Variants in ZNF716 observed in about 807,000 individuals in gnomAD.
ZNF716 encodes zinc finger protein 716.
ZNF716 carries 9 observed loss-of-function variants against 13.4 expected under a neutral mutation model. That is an observed-to-expected ratio of 0.67 (90% CI 0.41 to 1.18). The LOEUF is 1.18. Among genes scored for constraint, ZNF716 ranks in the 50% most tolerant of loss-of-function variants. The probability of loss-of-function intolerance (pLI) is 0.01; values close to 1 mark genes in which losing one functional copy is unlikely to be tolerated. For missense variants in ZNF716, 581 were observed against 576.6 expected (o/e 1.01, Z -0.08); for synonymous variants, 186 against 195.2 (o/e 0.95, Z 0.39).
At chr7:57,452,195 T>C (rs10282544) in intron 1 of ZNF716, among the ~76,000 whole-genome samples, 5,464 of 152,260 alleles carry the variant, frequency 0.036, 316 homozygotes, top group East Asian at 0.24. Context: ...TTCTAACTCA[T>C]ATTATTATCT....
intron 3 of ZNF716, among the ~76,000 whole-genome samples, chr7:57,465,118 T>C (rs1468386993): frequency 6.6e-6 from 1 of 152,206 alleles, no homozygotes; most frequent in Non-Finnish European, 1.5e-5. Flanking sequence ...TTGATACAGA[T>C]TATATTAAAT....
Position 57,450,241 on chromosome 7 carries a change from G to A in ZNF716, c.-48G>A, listed in dbSNP as rs115049994. ...TCACTGCTCTGCGTCCTCTGCTCCT[G>A]GAGGCCAAGCCTCTGTGGCCTTGTG... On this transcript the variant is annotated 5_prime_UTR_variant, in exon 1 of 4. Coordinates refer to ENST00000420713, the MANE Select transcript of ZNF716 (RefSeq NM_001159279.1). The A allele has an allele frequency of 3.0e-3, 4,816 of 1,612,898 alleles. 116 individuals are homozygous for A. The African/African-American group carries it at 0.047, about 16-fold the overall frequency.
rs782099108 is a variant in ZNF716 at position 57,462,609 on chromosome 7, A to G, written c.166+23A>G. The G allele has an allele frequency of 2.5e-5, 39 of 1,577,812 alleles. No homozygotes were observed. The East Asian group carries it at 8.3e-4, about 33-fold the overall frequency. ...TGGGTGAGGAAAACTTCAATACACA[A>G]TTCCTAATATATTGCCTTTCTCTCT... On this transcript the variant is annotated intron_variant, in intron 2 of 3. Transcript: ENST00000420713.
At position 57,460,994 on chromosome 7, in the gene ZNF716, G is replaced by T. The variant is rs569520169; in HGVS notation, c.40-1466G>T. ...TTTTTTATAATTAAATTTAGGCCAG[G>T]TGCAGTGGCTCACGCTTGTAATCCC... is the stretch of plus-strand genomic sequence containing the variant. On this transcript the variant is annotated intron_variant, in intron 1 of 3. Transcript: ENST00000420713. Among the ~76,000 whole-genome samples the T allele has an allele frequency of 1.5e-4, 23 of 151,914 alleles. No homozygotes were observed. The East Asian group carries it at 4.5e-3, about 30-fold the overall frequency.
Position 57,469,509 on chromosome 7 carries a change from A to G in ZNF716, c.1048A>G (p.Lys350Glu). The G allele has an allele frequency of 6.2e-7, 1 of 1,611,784 alleles. No individual in the cohort carries two copies. Among genetic ancestry groups the G allele is most frequent in the Non-Finnish European group, 8.5e-7 (1 of 1,178,862 alleles). The part of the protein sequence containing the change: ...KKHKIVHTGE[K>E]LYTCEECGKA... ...ACATAAGATAGTTCATACTGGGGAG[A>G]AACTCTACACATGTGAAGAATGTGG... is the stretch of plus-strand genomic sequence containing the variant. The change falls in exon 4 of 4, where the codon AAA becomes GAA. Residue 350 changes from lysine to glutamate, a missense_variant. Lys to Glu is a moderately conservative substitution (Grantham distance 56). Transcript: ENST00000420713.
At chr7:57,466,278 A>AC (rs1353252629) in intron 3 of ZNF716, among the ~76,000 whole-genome samples, 3 of 152,178 alleles carry the variant, frequency 2.0e-5, no homozygotes, top group African/African-American at 7.2e-5. Flanking sequence ...CGCAATATTG[A>AC]CTGGGGAGTT....
intron 3 of ZNF716, among the ~76,000 whole-genome samples, chr7:57,465,015 CTG>C (rs1231970548): frequency 6.6e-6 from 1 of 152,048 alleles, no homozygotes; most frequent in Non-Finnish European, 1.5e-5. Context: ...TATAATGCCT[CTG>C]TGTTTTTCAT....
rs782745508 is a variant in ZNF716, at chr7:57,464,115, C to CTTTTTTTTTTTTTTTTTTTTT, written c.262+953_262+954insTTTTTTTTTTTTTTTTTTTTT. On this transcript the variant is annotated intron_variant, in intron 3 of 3. Transcript: ENST00000420713. The stretch of plus-strand genomic sequence containing the variant: ...AGGTAGTTCAATCATTTGTCCATTT[C>CTTTTTTTTTTTTTTTTTTTTT]TTTTTTCTTTTTTTTTTTTTTTTGA... Among the ~76,000 whole-genome samples, 4 of 110,238 alleles carry CTTTTTTTTTTTTTTTTTTTTT rather than the reference C, an allele frequency of 3.6e-5. 1 individual carries two copies. The highest frequency in any genetic ancestry group is 1.5e-4 in the African/African-American group (4 of 27,514). The allele number at this position is 110,238 out of a possible 152,430, so 72.3% of individuals were successfully genotyped here. A position where few individuals can be genotyped will look rare whatever the true frequency, so the allele number is the denominator to read the frequency against.
chr7:57,454,848 C>A (rs1789558800), intron 1 of ZNF716, among the ~76,000 whole-genome samples: 1 of 151,908 alleles, frequency 6.6e-6, no homozygotes, highest in Admixed American at 6.6e-5. Context: ...CACGGTGAAA[C>A]CCCATCTCTA....
chr7:57,468,534 A>C (rs1789853851), intron 3 of ZNF716, among the ~76,000 whole-genome samples, 190 bp from the exon 4 acceptor site: 1 of 152,104 alleles, frequency 6.6e-6, no homozygotes, highest in South Asian at 2.1e-4. Flanking sequence ...CTTACTTATA[A>C]ATTTCCCACA....
At chr7:57,451,441 A>ATTTTTTTTTTTTTTT (rs782311074) in intron 1 of ZNF716, among the ~76,000 whole-genome samples, 1 of 89,040 alleles carries the variant, frequency 1.1e-5, no homozygotes, top group Non-Finnish European at 2.1e-5. Context: ...TTTCCCTTGG[A>ATTTTTTTTTTTTTTT]TTTTTTTTTT....
At chr7:57,462,820 C>T (rs1318325990) in intron 2 of ZNF716, among the ~76,000 whole-genome samples, 3 of 152,128 alleles carry the variant, frequency 2.0e-5, no homozygotes, top group East Asian at 1.9e-4. Flanking sequence ...CCAAAACTGT[C>T]GTGGCATAAA....
At chr7:57,467,070 T>C (rs1422333568) in intron 3 of ZNF716, among the ~76,000 whole-genome samples, 53 of 114,514 alleles carry the variant, frequency 4.6e-4, no homozygotes, top group Non-Finnish European at 5.1e-5. Context: ...TTGTGCTACA[T>C]TGGAGATTTT....
intron 1 of ZNF716, among the ~76,000 whole-genome samples, chr7:57,460,891 A>G (rs1303754905): frequency 6.6e-6 from 1 of 152,160 alleles, no homozygotes; most frequent in African/African-American, 2.4e-5. Context: ...GGTGCTAAGG[A>G]AAGACTACTT....
chr7:57,464,977 C>T (rs1789779189), intron 3 of ZNF716, among the ~76,000 whole-genome samples: 1 of 152,056 alleles, frequency 6.6e-6, no homozygotes, highest in Non-Finnish European at 1.5e-5. Flanking sequence ...GTTGTTGCAG[C>T]TTTTTATTAT....
At chr7:57,464,157 T>C (rs1327621057) in intron 3 of ZNF716, among the ~76,000 whole-genome samples, 3 of 136,140 alleles carry the variant, frequency 2.2e-5, no homozygotes, top group African/African-American at 8.1e-5. Context: ...GTTTCACTCT[T>C]GTTGCTCAGG....
chr7:57,459,591 C>T (rs1408334968), intron 1 of ZNF716, among the ~76,000 whole-genome samples: 7 of 152,084 alleles, frequency 4.6e-5, no homozygotes, highest in Non-Finnish European at 7.3e-5. Flanking sequence ...TTTTGGATCC[C>T]GCAGAATCAC....
chr7:57,458,440 G>A (rs1583717506), intron 1 of ZNF716, among the ~76,000 whole-genome samples: 1 of 142,956 alleles, frequency 7.0e-6, no homozygotes, highest in African/African-American at 2.6e-5. Context: ...TTTTTTTTCT[G>A]ACATGGAGTT....
At chr7:57,464,348 T>A (rs1282789214) in intron 3 of ZNF716, among the ~76,000 whole-genome samples, 2 of 152,072 alleles carry the variant, frequency 1.3e-5, no homozygotes, top group Admixed American at 1.3e-4. Context: ...CTTGAATTCC[T>A]GACCTCTGGT....
Sources: allele counts gnomAD v4.1 joint callset (sites outside exome capture counted in the v4.1 genomes callset), GRCh38; gene constraint gnomAD v4.1.1; transcripts MANE v1.5; gene names NCBI Gene and HGNC (gene_info 2026-07-23, HGNC 2026-07-21).